UNC45B: variants seen among roughly 807,000 people sequenced by gnomAD.
The protein encoded by UNC45B is unc-45 myosin chaperone B, also known as protein unc-45 homolog B.
UNC45B carries 78 observed loss-of-function variants against 98.7 expected under a neutral mutation model. That is an observed-to-expected ratio of 0.79 (90% CI 0.66 to 0.95). The LOEUF is 0.95. UNC45B is among the 40% of genes least tolerant of loss of function. The probability of loss-of-function intolerance (pLI) is 0.00; values close to 1 mark genes in which losing one functional copy is unlikely to be tolerated. For missense variants in UNC45B, 1,225 were observed against 1,184.9 expected (o/e 1.03, Z -0.50); for synonymous variants, 462 against 480.4 (o/e 0.96, Z 0.50).
rs763647521 is a variant in UNC45B, at chr17:35,186,506, C to T, written c.2737C>T (p.Arg913Ter). 7.4e-6 allele frequency: 12 copies of T among 1,614,016 alleles called. No individual in the cohort carries two copies. The highest frequency in any genetic ancestry group is 6.7e-5 in the African/African-American group (5 of 74,902). ...EKKAEVVQTA[R>*]ECLIKCMDYG... ...GAAGGCAGAAGTGGTTCAGACAGCC[C>T]GAGAATGTCTCATCAAGTGCATGGA... Residue 913 changes from arginine (R) to a stop codon, truncating the protein, a stop_gained, in exon 20 of 20, where the codon CGA becomes TGA. Transcript: ENST00000394570. LOFTEE classifies it high-confidence loss of function.
chr17:35,166,618 G>T (rs1261138298), intron 9 of UNC45B, among the ~76,000 whole-genome samples: 1 of 152,156 alleles, frequency 6.6e-6, no homozygotes, highest in Non-Finnish European at 1.5e-5. Context: ...CAGGGGCGGG[G>T]GCTGTGTGGG....
chr17:35,155,725 A>G lies in UNC45B; in HGVS notation c.808+261A>G, dbSNP rs11650312. ...TCTGGGACTACAGGCACACACCATC[A>G]TGCCTGCCTAATTTTTGTATTTTTA... On this transcript the variant is annotated intron_variant, in intron 7 of 19. Coordinates refer to ENST00000394570, the MANE Select transcript of UNC45B (RefSeq NM_001267052.2). Among the ~76,000 whole-genome samples, 83,061 of 151,888 alleles carry G rather than the reference A, an allele frequency of 0.55. 23,783 individuals are homozygous for G. The highest frequency in any genetic ancestry group is 0.71 in the South Asian group (3,417 of 4,804).
intron 1 of UNC45B, 103 bp downstream of exon 1, chr17:35,148,013 G>A (rs983537835): frequency 6.0e-6 from 3 of 502,826 alleles, no homozygotes; most frequent in Admixed American, 3.3e-5. Flanking sequence ...AAGCAGCTTC[G>A]CCTGCTCAGG....
At chr17:35,148,193 C>T (rs1012009210) in intron 1 of UNC45B, 71 bp from the exon 2 acceptor site, 2 of 1,573,192 alleles carry the variant, frequency 1.3e-6, no homozygotes, top group African/African-American at 1.4e-5. Flanking sequence ...AGCTCCGGAC[C>T]TCAGGCCAGG....
intron 19 of UNC45B, among the ~76,000 whole-genome samples, chr17:35,184,466 C>T (rs1419801072): frequency 2.0e-5 from 3 of 152,204 alleles, no homozygotes; most frequent in Non-Finnish European, 1.5e-5. Context: ...GAAACCGCTG[C>T]CCTAGAGCAG....
intron 2 of UNC45B, 58 bp from the exon 3 acceptor site, chr17:35,148,915 G>A (rs1004884940): frequency 6.2e-7 from 1 of 1,607,310 alleles, no homozygotes; most frequent in Non-Finnish European, 8.5e-7. Context: ...ACACTCTCTG[G>A]CCATCTCTGC....
intron 15 of UNC45B, 36 bp downstream of exon 15, chr17:35,176,070 G>T: frequency 6.2e-7 from 1 of 1,603,602 alleles, no homozygotes; most frequent in South Asian, 1.1e-5. Context: ...AGGTGCCTTT[G>T]TGCATGCTCT....
At chr17:35,163,856 C>T in intron 8 of UNC45B, 139 bp from the exon 9 acceptor site, 2 of 999,374 alleles carry the variant, frequency 2.0e-6, no homozygotes, top group South Asian at 1.9e-5. Flanking sequence ...CCATTCTAGG[C>T]CCTTTCATTC....
intron 13 of UNC45B, among the ~76,000 whole-genome samples, chr17:35,173,125 C>CTTTTT (rs11428951): frequency 3.2e-5 from 4 of 126,154 alleles, no homozygotes; most frequent in Non-Finnish European, 4.8e-5. Context: ...AATTTTTATA[C>CTTTTT]TTTTTTTTTT....
rs574733686 is a variant in UNC45B at position 35,186,320 on chromosome 17, C to A, written c.2551C>A (p.Leu851Ile). The A allele has an allele frequency of 6.2e-7, 1 of 1,614,080 alleles. No individual in the cohort carries two copies. The highest frequency in any genetic ancestry group is 1.1e-5 in the South Asian group (1 of 91,076). The change falls in exon 20 of 20, where the codon CTC (leucine) becomes ATC (isoleucine). Residue 851 changes from leucine (L) to isoleucine (I), a missense_variant. Leu to Ile is a conservative substitution (Grantham distance 5). Coordinates refer to ENST00000394570, the MANE Select transcript of UNC45B (RefSeq NM_001267052.2). ...TQVTTQWLEILQRLCLHDQLS... is the reference protein window; with the variant it reads ...TQVTTQWLEIIQRLCLHDQLS... ...CCAGACAACCCAGTGGTTGGAGATCCTCCAGCGGCTTTGCCTGCACGACCA... is the reference window on the plus strand; with the variant it reads ...CCAGACAACCCAGTGGTTGGAGATCATCCAGCGGCTTTGCCTGCACGACCA...
chr17:35,154,529 T>C lies in UNC45B; in HGVS notation c.472-45T>C, dbSNP rs1226200762. On this transcript the variant is annotated intron_variant, in intron 5 of 19. Transcript: ENST00000394570. The stretch of plus-strand genomic sequence containing the variant: ...ACTTGGCCCATGGTCCAGGCCTGGG[T>C]GGCCGTACCTCCCTCGTAACCCTTA... 4 of 1,591,728 alleles carry C rather than the reference T, an allele frequency of 2.5e-6. No homozygotes were observed. The African/African-American group carries it at 5.4e-5, about 22-fold the overall frequency.
At chr17:35,168,026 C>T (rs1443059616) in intron 9 of UNC45B, 35 bp from the exon 10 acceptor site, 1 of 1,425,990 alleles carries the variant, frequency 7.0e-7, no homozygotes, top group African/African-American at 1.5e-5. Flanking sequence ...CTCTCTTGGA[C>T]CAGTTCTCTT....
chr17:35,148,124 G>A, intron 1 of UNC45B, 140 bp from the exon 2 acceptor site: 1 of 894,304 alleles, frequency 1.1e-6, no homozygotes, highest in Non-Finnish European at 1.7e-6. Flanking sequence ...GGGGGTTCTG[G>A]GGGTGGGTCC....
rs1434743913 is a variant in UNC45B, at chr17:35,189,317, A to G, written c.*2758A>G. On this transcript the variant is annotated 3_prime_UTR_variant, in exon 20 of 20. Transcript: ENST00000394570. ...TAGTCTTCTCATTTGTGAAAGGTAA[A>G]TAATAAAGAATTTCTGTTCCTAGTA... 1 of 152,214 alleles carries G rather than the reference A, an allele frequency of 6.6e-6. No homozygotes were observed. Among genetic ancestry groups the G allele is most frequent in the Non-Finnish European group, 1.5e-5 (1 of 68,036 alleles). The allele number at this position is 152,214 out of a possible 1,614,324, so 9.4% of individuals were successfully genotyped here. A position where few individuals can be genotyped will look rare whatever the true frequency, so the allele number is the denominator to read the frequency against.
chr17:35,183,615 G>C (rs368804905), intron 19 of UNC45B, 33 bp downstream of exon 19: 99 of 1,469,764 alleles, frequency 6.7e-5, no homozygotes, highest in Middle Eastern at 2.1e-4. Flanking sequence ...GGACGGGCTG[G>C]GTGGCTCCAG....
chr17:35,168,137 T>C lies in UNC45B; in HGVS notation c.1228T>C (p.Phe410Leu). 1 of 1,599,308 alleles carries C rather than the reference T, an allele frequency of 6.3e-7. No homozygotes were observed. The highest frequency in any genetic ancestry group is 8.5e-7 in the Non-Finnish European group (1 of 1,172,352). The change falls in exon 10 of 20, where the codon TTT becomes CTT. Residue 410 changes from phenylalanine to leucine, a missense_variant. Coordinates refer to ENST00000394570, the MANE Select transcript of UNC45B (RefSeq NM_001267052.2). ...QTVSGILQGP[F>L]DLGNQLLGLK... ...AGTGTCAGGGATCCTGCAGGGCCCC[T>C]TTGACCTGGGCAACCAGCTGCTGGG...
chr17:35,152,293 G>A (rs570484475), intron 4 of UNC45B, among the ~76,000 whole-genome samples: 7 of 152,210 alleles, frequency 4.6e-5, no homozygotes, highest in African/African-American at 1.2e-4. Flanking sequence ...GTAGGTGGGA[G>A]TAGTGTGGAC....
rs758617409 is a variant in UNC45B at position 35,148,961 on chromosome 17, C to T, written c.169-12C>T. 16 of 1,613,948 alleles carry T rather than the reference C, an allele frequency of 9.9e-6. No individual in the cohort carries two copies. Among genetic ancestry groups the T allele is most frequent in the Non-Finnish European group, 1.4e-5 (16 of 1,179,982 alleles). On this transcript the variant is annotated splice_polypyrimidine_tract_variant and intron_variant, in intron 2 of 19. Transcript: ENST00000394570. The stretch of plus-strand genomic sequence containing the variant: ...CATTAACCGAGTCTCCTTCTCCTTC[C>T]CCTTTCCTCAGGAGAGCTACGTCCA...
chr17:35,156,418 G>A (rs2092061848), intron 7 of UNC45B, among the ~76,000 whole-genome samples: 1 of 152,148 alleles, frequency 6.6e-6, no homozygotes, highest in East Asian at 1.9e-4. Flanking sequence ...ATGAGGTCAG[G>A]AGTTCAAGAC....
Sources: gnomAD v4.1 joint callset for allele counts (sites outside exome capture counted in the v4.1 genomes callset) on GRCh38, gnomAD v4.1.1 for gene constraint, MANE v1.5 for transcripts, NCBI Gene and HGNC (gene_info 2026-07-23, HGNC 2026-07-21) for gene names.